SLC12A6: variants seen among roughly 807,000 people sequenced by gnomAD.
SLC12A6 encodes K-Cl cotransporter 3.
SLC12A6 carries 66 observed loss-of-function variants against 135.3 expected under a neutral mutation model. The observed-to-expected ratio is 0.49, with a 90% CI of 0.40 to 0.60. SLC12A6 has a LOEUF of 0.60. Ranked by LOEUF, SLC12A6 falls within the 20% of genes least tolerant of loss-of-function variation. SLC12A6 has a pLI of 0.00. For synonymous variants in SLC12A6, 513 were observed against 508.8 expected, an observed-to-expected ratio of 1.01 and a Z score of -0.11; for missense variants, 1,058 against 1,452.3, an observed-to-expected ratio of 0.73 and a Z score of 4.41.
At chr15:34,294,714 T>A (rs1475575336) in intron 2 of SLC12A6, among the ~76,000 whole-genome samples, 1 of 152,162 alleles carries the variant, frequency 6.6e-6, no homozygotes, top group East Asian at 1.9e-4. Flanking sequence ...ATTACTGGTG[T>A]GCACCACTAT....
At chr15:34,296,054 T>G (rs974340499) in intron 2 of SLC12A6, among the ~76,000 whole-genome samples, 1 of 152,230 alleles carries the variant, frequency 6.6e-6, no homozygotes, top group African/African-American at 2.4e-5. Flanking sequence ...TTTATAATAG[T>G]AATTGTTAAG....
intron 2 of SLC12A6, among the ~76,000 whole-genome samples, chr15:34,316,477 G>A (rs1888661111): frequency 6.6e-6 from 1 of 151,990 alleles, no homozygotes; most frequent in Non-Finnish European, 1.5e-5. Context: ...TATAATAAAG[G>A]CAAGTGCAAT....
At chr15:34,336,894 T>C (rs1329407051) in intron 1 of SLC12A6, 142 bp from the exon 2 acceptor site, 5 of 599,290 alleles carry the variant, frequency 8.3e-6, no homozygotes, top group Non-Finnish European at 1.2e-5. Context: ...GGTGAATATA[T>C]TTTTTAAGAG....
chr15:34,271,692 A>G (rs891152991), intron 3 of SLC12A6, among the ~76,000 whole-genome samples: 2 of 152,060 alleles, frequency 1.3e-5, no homozygotes, highest in Admixed American at 6.6e-5. Context: ...ACCCTCCCGT[A>G]TATCTCCTCA....
rs926815901 is a variant in SLC12A6 at position 34,319,130 on chromosome 15, C to CT, written c.271+17279dup. Among the ~76,000 whole-genome samples the CT allele has an allele frequency of 0.057, 7,725 of 135,370 alleles. 745 individuals are homozygous for CT. The highest frequency in any genetic ancestry group is 0.19 in the African/African-American group (6,864 of 35,452). 88.8% of individuals were successfully genotyped at this position (135,370 alleles called of 152,430 possible). On this transcript the variant is annotated intron_variant, in intron 2 of 25. Coordinates refer to ENST00000354181, the MANE Select transcript of SLC12A6 (RefSeq NM_001365088.1). ...ACAAGAAAGATTAGAGAACAGTTAA[C>CT]TTTTTTTTTTTTTTTTTTTGAGACA...
At chr15:34,288,727 T>A (rs956179031) in intron 2 of SLC12A6, among the ~76,000 whole-genome samples, 6 of 152,184 alleles carry the variant, frequency 3.9e-5, no homozygotes, top group African/African-American at 1.4e-4. Flanking sequence ...TTCCTAGGTA[T>A]TTTATTCTCT....
rs758313775 is a variant in SLC12A6 at position 34,254,636 on chromosome 15, T to G, written c.877-47A>C. The G allele has an allele frequency of 1.3e-5, 18 of 1,430,258 alleles. No homozygotes were observed. In the East Asian group the frequency reaches 4.1e-4, roughly 33 times the overall value. The allele number at this position is 1,430,258 out of a possible 1,614,324, so 88.6% of individuals were successfully genotyped here. ...GAAAATTAGGTTATTTCAAAATAAT[T>G]AAGTAAAAAGGCTGTATTCGTTTGC... On this transcript the variant is annotated intron_variant, in intron 8 of 25. Coordinates refer to ENST00000354181, the MANE Select transcript of SLC12A6 (RefSeq NM_001365088.1).
In SLC12A6 at chr15:34,337,510, C is replaced by T. The variant is rs1318294572; in HGVS notation, c.-251G>A. The T allele has an allele frequency of 1.3e-5, 2 of 152,330 alleles. No homozygotes were observed. Among genetic ancestry groups the T allele is most frequent in the Non-Finnish European group, 2.9e-5 (2 of 68,144 alleles). The allele number at this position is 152,330 out of a possible 1,614,324, so 9.4% of individuals were successfully genotyped here. On this transcript the variant is annotated 5_prime_UTR_variant, in exon 1 of 26. Coordinates refer to ENST00000354181, the MANE Select transcript of SLC12A6 (RefSeq NM_001365088.1). ...AGCTCAGAGTCGTGGCAAGTCGTAG[C>T]TAGTCCACTGAGCCACGGTCCGCTC...
At chr15:34,285,932 G>A (rs759613861) in intron 2 of SLC12A6, among the ~76,000 whole-genome samples, 11 of 151,938 alleles carry the variant, frequency 7.2e-5, no homozygotes, top group Non-Finnish European at 1.0e-4. Context: ...GTAGGGAGTG[G>A]AAAATGGAGA....
At chr15:34,308,902 T>C (rs1887951550) in intron 2 of SLC12A6, among the ~76,000 whole-genome samples, 2 of 152,210 alleles carry the variant, frequency 1.3e-5, no homozygotes, top group Non-Finnish European at 2.9e-5. Context: ...CATATATGTT[T>C]AAAGTAGAAA....
intron 2 of SLC12A6, among the ~76,000 whole-genome samples, chr15:34,276,493 G>A (rs1595481167): frequency 6.6e-6 from 1 of 152,116 alleles, no homozygotes; most frequent in East Asian, 1.9e-4. Context: ...TTATTTTAAA[G>A]GTTTGAAAAG....
intron 3 of SLC12A6, 115 bp downstream of exon 3, chr15:34,275,230 G>A: frequency 1.6e-6 from 1 of 626,588 alleles, no homozygotes; most frequent in Non-Finnish European, 2.9e-6. Context: ...GTTGTTGGGT[G>A]GGAAGTAGAA....
At chr15:34,329,112 C>T (rs1005354151) in intron 2 of SLC12A6, among the ~76,000 whole-genome samples, 1 of 152,208 alleles carries the variant, frequency 6.6e-6, no homozygotes, top group African/African-American at 2.4e-5. Flanking sequence ...AACTTAAACT[C>T]ATGTAACTTC....
chr15:34,318,891 C>T, intron 2 of SLC12A6: 1 of 1,272,704 alleles, frequency 7.9e-7, no homozygotes, highest in Non-Finnish European at 1.0e-6. Context: ...GTTTATCATT[C>T]ACTTAAAAGG....
intron 2 of SLC12A6, among the ~76,000 whole-genome samples, chr15:34,302,672 G>A (rs1427727872): frequency 6.6e-6 from 1 of 152,290 alleles, no homozygotes; most frequent in Non-Finnish European, 1.5e-5. Flanking sequence ...TCCAGCCTGG[G>A]TGACACAGTG....
intron 19 of SLC12A6, 51 bp downstream of exon 19, chr15:34,240,610 C>T: frequency 6.7e-7 from 1 of 1,493,372 alleles, no homozygotes. Flanking sequence ...TACTACTTAA[C>T]ATCACAAAGC....
intron 21 of SLC12A6, 31 bp downstream of exon 21, chr15:34,238,201 A>C: frequency 3.3e-6 from 5 of 1,518,364 alleles, no homozygotes; most frequent in Non-Finnish European, 4.6e-6. Context: ...AGGGAGAAAG[A>C]CTTTTGTAAA....
At chr15:34,318,657 T>C (rs576514293) in intron 2 of SLC12A6, 9 of 1,613,132 alleles carry the variant, frequency 5.6e-6, no homozygotes, top group African/African-American at 1.3e-5. Flanking sequence ...TCCTCTACCT[T>C]AGTCACAGTA....
At chr15:34,331,633 C>G (rs1053745147) in intron 2 of SLC12A6, among the ~76,000 whole-genome samples, 1 of 152,104 alleles carries the variant, frequency 6.6e-6, no homozygotes, top group Non-Finnish European at 1.5e-5. Context: ...ACATATTACA[C>G]TAGGTGTAAA....
Sources: gnomAD v4.1 joint callset for allele counts (sites outside exome capture counted in the v4.1 genomes callset) on GRCh38, gnomAD v4.1.1 for gene constraint, MANE v1.5 for transcripts, NCBI Gene and HGNC (gene_info 2026-07-23, HGNC 2026-07-21) for gene names.